Variants in TNRC18 observed in about 807,000 individuals in gnomAD.
TNRC18 encodes the protein trinucleotide repeat-containing gene 18 protein.
A neutral mutation model predicts 226.7 loss-of-function variants in TNRC18; 69 were observed. The ratio of observed to expected loss-of-function variants is 0.30; its 90% confidence interval spans 0.25 to 0.37. The LOEUF (loss-of-function observed/expected upper bound fraction) is 0.37. Ranked by LOEUF, TNRC18 falls within the 10% of genes least tolerant of loss-of-function variation. TNRC18 has a pLI of 1.00. For synonymous variants in TNRC18, 2,449 were observed against 1,927.6 expected (o/e 1.27, Z -7.09); for missense variants, 4,754 against 4,256.6 (o/e 1.12, Z -3.25).
intron 5 of TNRC18, among the ~76,000 whole-genome samples, chr7:5,380,584 T>C (rs372868567): frequency 2.6e-5 from 4 of 152,142 alleles, no homozygotes; most frequent in Admixed American, 1.3e-4. Flanking sequence ...GAGAAGCGTG[T>C]TGACGAGGGC....
rs1020295444 is a variant in TNRC18, at chr7:5,357,292, G to A, written c.4834-16C>T. On this transcript the variant is annotated splice_polypyrimidine_tract_variant and intron_variant, in intron 15 of 29. Coordinates refer to ENST00000430969, the MANE Select transcript of TNRC18 (RefSeq NM_001080495.3). The stretch of plus-strand genomic sequence containing the variant: ...TAATCTTTAGCTGGAGAGGGAAGGT[G>A]GGTCATGGGTTAAAAGATCTGACAA... 9 of 1,600,776 alleles carry A rather than the reference G, an allele frequency of 5.6e-6. No homozygotes were observed. Among genetic ancestry groups the A allele is most frequent in the Non-Finnish European group, 7.7e-6 (9 of 1,172,972 alleles).
At chr7:5,366,977 G>A (rs555849045) in intron 11 of TNRC18, among the ~76,000 whole-genome samples, 2 of 152,266 alleles carry the variant, frequency 1.3e-5, no homozygotes, top group East Asian at 3.9e-4. Context: ...ACCTCATTAG[G>A]TGACCTCTGT....
chr7:5,337,441 G>A (rs1215751538), intron 18 of TNRC18, among the ~76,000 whole-genome samples: 3 of 150,314 alleles, frequency 2.0e-5, no homozygotes, highest in Non-Finnish European at 4.4e-5. Context: ...TCAAGATCGC[G>A]CCATTGCACT....
chr7:5,337,359 C>G (rs1490076488), intron 18 of TNRC18, among the ~76,000 whole-genome samples: 1 of 152,024 alleles, frequency 6.6e-6, no homozygotes, highest in Non-Finnish European at 1.5e-5. Flanking sequence ...TGGCTCACAC[C>G]TGTAATCCCA....
Position 5,308,274 on chromosome 7 carries a change from G to C in TNRC18, c.8739C>G (p.Asp2913Glu). ...LYQSSHVDEN[D>E]VQTVSHKCLV... Reference sequence around the variant, plus strand: ...GGCACTTGTGCGACACCGTCTGCACGTCATTTTCGTCCACATGCGAGGACT... The same window carrying C: ...GGCACTTGTGCGACACCGTCTGCACCTCATTTTCGTCCACATGCGAGGACT... The change falls in exon 30 of 30, where the codon GAC (aspartate) becomes GAG (glutamate). Residue 2913 changes from aspartate (D) to glutamate (E), a missense_variant. Transcript: ENST00000430969. 6.2e-7 allele frequency: 1 copy of C among 1,613,016 alleles called. No homozygotes were observed. The highest frequency in any genetic ancestry group is 8.5e-7 in the Non-Finnish European group (1 of 1,179,508).
chr7:5,321,194 C>G lies in TNRC18; in HGVS notation c.6443-4G>C, dbSNP rs1272376629. ...TCGATGATGCAGGAGCGAGGGGCTG[C>G]AGGGGTTGGATCGTGAGGCGAGGCT... On this transcript the variant is annotated splice_polypyrimidine_tract_variant and splice_region_variant and intron_variant, in intron 21 of 29. Coordinates refer to ENST00000430969, the MANE Select transcript of TNRC18 (RefSeq NM_001080495.3). The G allele has an allele frequency of 6.5e-7, 1 of 1,540,508 alleles. No individual in the cohort carries two copies.
At position 5,358,610 on chromosome 7, in the gene TNRC18, T is replaced by C. The variant is rs532595969; in HGVS notation, c.4833+788A>G. On this transcript the variant is annotated intron_variant, in intron 15 of 29. Coordinates refer to ENST00000430969, the MANE Select transcript of TNRC18 (RefSeq NM_001080495.3). ...AGGCAGATCACCTGAGGTCAGGAGT[T>C]CGAGGCCAGCCTGGCCAAGATGGTG... 4.6e-5 allele frequency among the ~76,000 whole-genome samples: 7 copies of C among 152,264 alleles called. No individual in the cohort carries two copies. In the East Asian group the frequency reaches 1.4e-3, roughly 29 times the overall value.
rs1786995139 is a variant in TNRC18 at position 5,309,793 on chromosome 7, G to A, written c.8389-425C>T. Among the ~76,000 whole-genome samples, 1 of 152,214 alleles carries A rather than the reference G, an allele frequency of 6.6e-6. No individual in the cohort carries two copies. Among genetic ancestry groups the A allele is most frequent in the East Asian group, 1.9e-4 (1 of 5,198 alleles). ...TTTTGATTATTTTTGTAGAGAACAAGGTCTCACTATGTTGCCCAGGATGGT... is the reference window on the plus strand; with the variant it reads ...TTTTGATTATTTTTGTAGAGAACAAAGTCTCACTATGTTGCCCAGGATGGT... On this transcript the variant is annotated intron_variant, in intron 27 of 29. Transcript: ENST00000430969. This position sits in a 1 kb window ranked among gnomAD's most constrained non-coding sequence, Gnocchi z 5.7.
At chr7:5,397,933 A>G (rs1265851823) in intron 2 of TNRC18, among the ~76,000 whole-genome samples, 1 of 151,894 alleles carries the variant, frequency 6.6e-6, no homozygotes, top group Non-Finnish European at 1.5e-5. Context: ...AGTGGCTGGA[A>G]CCTGCCACCT....
chr7:5,356,188 A>G (rs1212198037), intron 16 of TNRC18, among the ~76,000 whole-genome samples: 1 of 149,938 alleles, frequency 6.7e-6, no homozygotes, highest in East Asian at 1.9e-4. Context: ...AAAAAAAGAA[A>G]GAAAATAGTG....
At chr7:5,320,087 T>C in intron 24 of TNRC18, 2 of 519,202 alleles carry the variant, frequency 3.9e-6, no homozygotes, top group South Asian at 2.2e-5. Flanking sequence ...AAGGAGCTAG[T>C]GTGAAGCCAG....
chr7:5,384,529 T>TC (rs1231856382), intron 5 of TNRC18, among the ~76,000 whole-genome samples: 1 of 114,742 alleles, frequency 8.7e-6, no homozygotes, highest in African/African-American at 3.4e-5. Context: ...CATGTCCCCC[T>TC]CCCCCACACA....
chr7:5,366,154 T>C (rs1793595475), intron 11 of TNRC18, among the ~76,000 whole-genome samples: 1 of 152,126 alleles, frequency 6.6e-6, no homozygotes, highest in East Asian at 1.9e-4. Flanking sequence ...TGGGGGCTTG[T>C]CCTCTGCCTT....
chr7:5,376,142 C>A lies in TNRC18; in HGVS notation c.2691G>T (p.Gln897His). 1 of 1,587,566 alleles carries A rather than the reference C, an allele frequency of 6.3e-7. No homozygotes were observed. Among genetic ancestry groups the A allele is most frequent in the East Asian group, 2.3e-5 (1 of 43,486 alleles). Residue 897 changes from glutamine (Q) to histidine (H), a missense_variant, in exon 9 of 30, where the codon CAG becomes CAT. By Grantham distance (24) the Gln-to-His change is conservative (BLOSUM62 0). Transcript: ENST00000430969. ...PPGRSPLHHA[Q>H]QLQLFSQQHF... is the part of the protein sequence containing the mutation. ...GCTGCTGTGAGAAGAGCTGCAGCTGCTGGGCGTGGTGCAGGGGGCTGCGGC... is the reference window on the plus strand; with the variant it reads ...GCTGCTGTGAGAAGAGCTGCAGCTGATGGGCGTGGTGCAGGGGGCTGCGGC...
At chr7:5,397,646 G>C (rs116476233) in intron 2 of TNRC18, among the ~76,000 whole-genome samples, 1 of 152,128 alleles carries the variant, frequency 6.6e-6, no homozygotes, top group African/African-American at 2.4e-5. Context: ...CCCTGGTCAC[G>C]TCAGGAGCCT....
chr7:5,359,590 C>G, intron 14 of TNRC18, 21 bp from the exon 15 acceptor site: 5 of 1,612,658 alleles, frequency 3.1e-6, no homozygotes, highest in Non-Finnish European at 4.2e-6. Flanking sequence ...GACACACTGC[C>G]GGTCAGCACC....
intron 16 of TNRC18, among the ~76,000 whole-genome samples, chr7:5,356,184 AG>A (rs201310438): frequency 0.21 from 29,458 of 140,864 alleles, 3,384 homozygotes; most frequent in South Asian, 0.27. Flanking sequence ...AAAAAAAAAA[AG>A]AAAGAAAATA....
chr7:5,308,837 T>TTGCCCC, intron 29 of TNRC18, 38 bp downstream of exon 29: 13 of 834,154 alleles, frequency 1.6e-5, no homozygotes, highest in Non-Finnish European at 2.6e-5. Context: ...GAAGCAGCCA[T>TTGCCCC]CCCCAACCCG....
chr7:5,368,526 T>C (rs995514326), intron 11 of TNRC18, among the ~76,000 whole-genome samples: 4 of 151,488 alleles, frequency 2.6e-5, no homozygotes, highest in Non-Finnish European at 2.9e-5. Flanking sequence ...TAGCCAGGCA[T>C]GGTGGTGCGT....
Sources: allele counts gnomAD v4.1 joint callset (sites outside exome capture counted in the v4.1 genomes callset), GRCh38; gene constraint gnomAD v4.1.1; non-coding constraint Gnocchi (gnomAD v3.1); transcripts MANE v1.5; gene names NCBI Gene and HGNC (gene_info 2026-07-23, HGNC 2026-07-21).